Variants in GRAMD2B observed in about 807,000 individuals in gnomAD.
GRAMD2B encodes GRAM domain containing 2B, also known as GRAM domain-containing protein 2B.
GRAMD2B carries 41 observed loss-of-function variants against 59.2 expected under a neutral mutation model. The observed-to-expected ratio is 0.69, with a 90% CI of 0.54 to 0.90. GRAMD2B has a LOEUF of 0.90. GRAMD2B is among the 40% of genes least tolerant of loss of function. GRAMD2B has a pLI of 0.00. For missense variants in GRAMD2B, 424 were observed against 500.5 expected, an observed-to-expected ratio of 0.85 and a Z score of 1.46; for synonymous variants, 161 against 182.7, an observed-to-expected ratio of 0.88 and a Z score of 0.96.
chr5:126,423,555 G>A lies in GRAMD2B; in HGVS notation c.-52G>A. The A allele has an allele frequency of 6.3e-7, 1 of 1,588,066 alleles. No individual in the cohort carries two copies. The highest frequency in any genetic ancestry group is 8.6e-7 in the Non-Finnish European group (1 of 1,168,484). On this transcript the variant is annotated 5_prime_UTR_variant, in exon 1 of 14. Transcript: ENST00000285689. Reference sequence around the variant, plus strand: ...CGGACCTAGAAGCCGGGACGAGCCGGGGCAGAGCCAGGCGCGCGGAAGTCT... The same window carrying A: ...CGGACCTAGAAGCCGGGACGAGCCGAGGCAGAGCCAGGCGCGCGGAAGTCT...
At chr5:126,427,297 C>T (rs189242825) in intron 1 of GRAMD2B, among the ~76,000 whole-genome samples, 151 of 152,256 alleles carry the variant, frequency 9.9e-4, no homozygotes, top group Non-Finnish European at 1.9e-3. Flanking sequence ...ATGAAACACA[C>T]CTTTATTTCT....
rs1029987631 is a variant in GRAMD2B at position 126,481,750 on chromosome 5, A to G, written c.735+1043A>G. On this transcript the variant is annotated intron_variant, in intron 8 of 13. Coordinates refer to ENST00000285689, the MANE Select transcript of GRAMD2B (RefSeq NM_023927.4). ...TGGGAGGCCGAGGCGGGTGGATCACAAGGTCAGGAGTTCGAGACCAGCCTG... is the reference window on the plus strand; with the variant it reads ...TGGGAGGCCGAGGCGGGTGGATCACGAGGTCAGGAGTTCGAGACCAGCCTG... Among the ~76,000 whole-genome samples, 35 of 151,924 alleles carry G rather than the reference A, an allele frequency of 2.3e-4. 1 individual carries two copies. The highest frequency in any genetic ancestry group is 1.8e-4 in the Non-Finnish European group (12 of 67,974).
At position 126,450,019 on chromosome 5, in the gene GRAMD2B, T is replaced by C. The variant is rs535794255; in HGVS notation, c.84-15407T>C. 2.6e-5 allele frequency among the ~76,000 whole-genome samples: 4 copies of C among 152,244 alleles called. No individual in the cohort carries two copies. The East Asian group carries it at 5.8e-4, about 22-fold the overall frequency. ...ACTTTTAACTCTGCTACAATGCCCA[T>C]GTACTTGGTCTTTTAAGCTCTCTCT... On this transcript the variant is annotated intron_variant, in intron 1 of 13. Transcript: ENST00000285689.
At chr5:126,410,456 G>A (rs538887412) in intron 1 of GRAMD2B, among the ~76,000 whole-genome samples, 30 of 151,920 alleles carry the variant, frequency 2.0e-4, no homozygotes, top group African/African-American at 7.2e-4. Flanking sequence ...AAGCAATTGT[G>A]AATGGGAGTT....
chr5:126,446,919 G>C (rs1477976483), intron 1 of GRAMD2B, among the ~76,000 whole-genome samples: 1 of 152,114 alleles, frequency 6.6e-6, no homozygotes, highest in Non-Finnish European at 1.5e-5. Context: ...TCCGTTTCTT[G>C]GAATCTAATA....
chr5:126,383,094 G>C (rs912481089), intron 1 of GRAMD2B, among the ~76,000 whole-genome samples: 1 of 152,230 alleles, frequency 6.6e-6, no homozygotes, highest in Non-Finnish European at 1.5e-5. Flanking sequence ...CCCAGTGGAG[G>C]TAGCCGGGGA....
rs551630049 is a variant in GRAMD2B, at chr5:126,445,227, T to A, written c.84-20199T>A. Among the ~76,000 whole-genome samples, 27 of 152,340 alleles carry A rather than the reference T, an allele frequency of 1.8e-4. 1 individual carries two copies. The highest frequency in any genetic ancestry group is 6.5e-4 in the African/African-American group (27 of 41,588). ...GGTACATACCCAGTAATGGGATTAC[T>A]GGGTCAAATGGTATTTTTGCCTCTG... On this transcript the variant is annotated intron_variant, in intron 1 of 13. Transcript: ENST00000285689.
intron 1 of GRAMD2B, among the ~76,000 whole-genome samples, chr5:126,430,943 A>C (rs192404015): frequency 6.6e-6 from 1 of 152,326 alleles, no homozygotes; most frequent in Admixed American, 6.5e-5. Context: ...TGGTTTTTTT[A>C]AGTGACAGAA....
At chr5:126,450,908 C>T (rs13174359) in intron 1 of GRAMD2B, among the ~76,000 whole-genome samples, 47,709 of 152,128 alleles carry the variant, frequency 0.31, 7,758 homozygotes, top group East Asian at 0.59. Flanking sequence ...GCCTGTCGCG[C>T]GGCGTAGCCA....
At chr5:126,449,221 A>G (rs758387967) in intron 1 of GRAMD2B, among the ~76,000 whole-genome samples, 50 of 152,338 alleles carry the variant, frequency 3.3e-4, no homozygotes, top group Non-Finnish European at 6.5e-4. Flanking sequence ...ATTATATTCA[A>G]TCTAATTCTT....
At position 126,417,268 on chromosome 5, in the gene GRAMD2B, G is replaced by A. The variant is rs572535530; in HGVS notation, c.125+45701G>A. ...TGCATGACCTCCAACTGTCTCATAGGAAGCCTTGGAGATTCTACCTTGGTG... is the reference window on the plus strand; with the variant it reads ...TGCATGACCTCCAACTGTCTCATAGAAAGCCTTGGAGATTCTACCTTGGTG... On this transcript the variant is annotated intron_variant, in intron 1 of 8. Coordinates refer to the GRAMD2B transcript ENST00000506445. 9.2e-5 allele frequency among the ~76,000 whole-genome samples: 14 copies of A among 152,306 alleles called. No individual in the cohort carries two copies. The South Asian group carries it at 2.9e-3, about 32-fold the overall frequency.
chr5:126,465,192 A>C (rs1290201688), intron 1 of GRAMD2B: 1 of 1,377,000 alleles, frequency 7.3e-7, no homozygotes, highest in African/African-American at 1.5e-5. Flanking sequence ...CAGCAAGTCC[A>C]CACAGTCTGG....
At chr5:126,432,705 G>T (rs915920292) in intron 1 of GRAMD2B, among the ~76,000 whole-genome samples, 1 of 152,002 alleles carries the variant, frequency 6.6e-6, no homozygotes, top group Non-Finnish European at 1.5e-5. Flanking sequence ...TTTTCCTCCC[G>T]CTCTCCCTTC....
chr5:126,421,114 A>G (rs1178349891), upstream of GRAMD2B, among the ~76,000 whole-genome samples: 3 of 152,220 alleles, frequency 2.0e-5, no homozygotes, highest in African/African-American at 4.8e-5. Context: ...TGTTTAATGT[A>G]TTTAATGGGA....
chr5:126,388,082 C>T (rs1291058932), intron 1 of GRAMD2B, among the ~76,000 whole-genome samples: 3 of 152,088 alleles, frequency 2.0e-5, no homozygotes, highest in African/African-American at 7.2e-5. Context: ...CTTAAAGATG[C>T]AATTTTCAGG....
Position 126,484,539 on chromosome 5 carries a change from T to TCTCAG in GRAMD2B, c.970+16_970+20dup, listed in dbSNP as rs1377177629. The TCTCAG allele has an allele frequency of 1.9e-6, 3 of 1,598,976 alleles. No homozygotes were observed. The South Asian group carries it at 3.4e-5, about 18-fold the overall frequency. The stretch of plus-strand genomic sequence containing the variant: ...CCCTGTACAGGGTAAGGAATGGATG[T>TCTCAG]CTCAGGGGGGTGGGTTTAGAAGGAT... On this transcript the variant is annotated intron_variant, in intron 10 of 13. Coordinates refer to ENST00000285689, the MANE Select transcript of GRAMD2B (RefSeq NM_023927.4).
At chr5:126,379,366 G>T (rs1466570116) in intron 1 of GRAMD2B, among the ~76,000 whole-genome samples, 6 of 152,112 alleles carry the variant, frequency 3.9e-5, no homozygotes, top group Non-Finnish European at 7.4e-5. Flanking sequence ...CTATAAACAT[G>T]TATATGCAAG....
chr5:126,408,308 C>G (rs1464822000), intron 1 of GRAMD2B, among the ~76,000 whole-genome samples: 1 of 151,986 alleles, frequency 6.6e-6, no homozygotes, highest in Non-Finnish European at 1.5e-5. Flanking sequence ...GCATAGTATT[C>G]TATGGTATAT....
chr5:126,380,426 G>A (rs1334406642), intron 1 of GRAMD2B, among the ~76,000 whole-genome samples: 1 of 151,576 alleles, frequency 6.6e-6, no homozygotes, highest in Non-Finnish European at 1.5e-5. Flanking sequence ...TTTTTTTCTA[G>A]TTCTGTGAAG....
Sources: gnomAD v4.1 joint callset for allele counts (sites outside exome capture counted in the v4.1 genomes callset) on GRCh38, gnomAD v4.1.1 for gene constraint, MANE v1.5 for transcripts, NCBI Gene and HGNC (gene_info 2026-07-23, HGNC 2026-07-21) for gene names.